The following FASTK variants were observed in gnomAD, a reference collection of about 807,000 sequenced individuals.
FASTK encodes Fas activated serine/threonine kinase.
In FASTK, 28 loss-of-function variants were observed where a neutral mutation model predicts 60.0. The ratio of observed to expected loss-of-function variants is 0.47; its 90% CI spans 0.35 to 0.64. FASTK has a LOEUF of 0.64. Among genes scored for constraint, FASTK ranks in the 30% least tolerant of loss-of-function variants. FASTK has a pLI of 0.01. For missense variants in FASTK, 595 were observed against 713.8 expected (o/e 0.83, Z 1.90); for synonymous variants, 325 against 307.9 (o/e 1.06, Z -0.58).
intron 1 of FASTK, 77 bp downstream of exon 1, chr7:151,080,608 C>G (rs1481267071): frequency 1.5e-6 from 2 of 1,367,616 alleles, no homozygotes; most frequent in Non-Finnish European, 9.4e-7. Flanking sequence ...CCAGGGACGC[C>G]AGGAGACCGT....
rs150140464 is a variant in FASTK, at chr7:151,077,148, T to A, written c.1380A>T (p.Pro460=). The A allele has an allele frequency of 1.2e-6, 2 of 1,612,812 alleles. No homozygotes were observed. The highest frequency in any genetic ancestry group is 2.7e-5 in the African/African-American group (2 of 74,878). ...PFLPYPPRSC[P]QGQAASSATT... ...TGGCGCTAGAGGCAGCCTGGCCCTG[T>A]GGGCAGGACCTTGGTGGGTATGGCA... The change falls in exon 8 of 10, where the codon CCA becomes CCT. Residue 460 remains proline (P), a synonymous_variant. Coordinates refer to ENST00000297532, the MANE Select transcript of FASTK (RefSeq NM_006712.5).
chr7:151,078,045 G>A lies in FASTK; in HGVS notation c.873C>T (p.Pro291=). Residue 291 remains proline, a synonymous_variant, in exon 5 of 10, where the codon CCC becomes CCT. Transcript: ENST00000297532. ...VLPFGRLNYL[P]LEQQFMPCLE... ...GGCAGGGCATAAACTGCTGTTCCAGGGGCAGGTAGTTCAGTCGCCCAAAGG... is the reference window on the plus strand; with the variant it reads ...GGCAGGGCATAAACTGCTGTTCCAGAGGCAGGTAGTTCAGTCGCCCAAAGG... 1 of 1,602,182 alleles carries A rather than the reference G, an allele frequency of 6.2e-7. No homozygotes were observed. The highest frequency in any genetic ancestry group is 1.1e-5 in the South Asian group (1 of 90,850).
intron 2 of FASTK, chr7:151,079,294 AG>A (rs1797847392): frequency 1.6e-6 from 1 of 610,610 alleles, no homozygotes; most frequent in South Asian, 2.3e-5. Flanking sequence ...GCACTCTATT[AG>A]CAGGAATCTG....
intron 1 of FASTK, 72 bp downstream of exon 1, chr7:151,080,613 G>A (rs1797936891): frequency 9.5e-6 from 13 of 1,372,174 alleles, no homozygotes; most frequent in Non-Finnish European, 1.2e-5. Context: ...GACGCCAGGA[G>A]ACCGTGGCCG....
rs1173773528 is a variant in FASTK at position 151,076,828 on chromosome 7, G to C, written c.1547C>G (p.Pro516Arg). The change falls in exon 10 of 10, where the codon CCC becomes CGC. Residue 516 changes from proline to arginine, a missense_variant. Around this residue, in one of 2 missense-constraint regions of FASTK, gnomAD observed 471 missense variants for 605.9 expected, o/e 0.78. Coordinates refer to ENST00000297532, the MANE Select transcript of FASTK (RefSeq NM_006712.5). The stretch of plus-strand genomic sequence containing the variant: ...TCTCTGGGACTCCAGTTCCTCGAAG[G>C]GTAGCTGTGGGGAGAGGAGAGGGCG... ...GLMGYQLLPL[P>R]FEELESQRGL... 3.1e-6 allele frequency: 5 copies of C among 1,609,614 alleles called. No homozygotes were observed. Among genetic ancestry groups the C allele is most frequent in the Non-Finnish European group, 3.4e-6 (4 of 1,178,052 alleles).
chr7:151,077,064 C>G, intron 8 of FASTK, 37 bp from the exon 9 acceptor site: 1 of 1,608,936 alleles, frequency 6.2e-7, no homozygotes, highest in Non-Finnish European at 8.5e-7. Context: ...GCATGGCGGG[C>G]AAGGTGGCCA....
chr7:151,079,790 G>T lies in FASTK; in HGVS notation c.215C>A (p.Pro72His). ...CLGPSKWGDR[P>H]VGGGPSAGPV... ...ACCTGCACTGGGGCCTCCTCCAACA[G>T]GCCGGTCCCCCCATTTGCTGGGCCC... Residue 72 changes from proline (P) to histidine (H), a missense_variant, in exon 2 of 10, where the codon CCT becomes CAT. By Grantham distance (77) the Pro-to-His change is moderately conservative. This residue lies in a region of FASTK where 124 missense variants were observed against 107.9 expected (regional missense o/e 1.15). Transcript: ENST00000297532. 1 of 1,600,878 alleles carries T rather than the reference G, an allele frequency of 6.2e-7. No individual in the cohort carries two copies. The highest frequency in any genetic ancestry group is 8.5e-7 in the Non-Finnish European group (1 of 1,173,832).
In FASTK at chr7:151,078,564, T is replaced by G; in HGVS notation, c.823A>C (p.Lys275Gln). 1 of 1,612,960 alleles carries G rather than the reference T, an allele frequency of 6.2e-7. No homozygotes were observed. The highest frequency in any genetic ancestry group is 8.5e-7 in the Non-Finnish European group (1 of 1,179,358). The stretch of plus-strand genomic sequence containing the variant: ...TGGAGGGTGGGTGGCAAGCCCACCT[T>G]GCTGCTGAGTTGCGTTTCCTGAACC... ...LVVQETQLSS[K>Q]VVQKLVLPFG... Residue 275 changes from lysine to glutamine, a missense_variant and splice_region_variant, in exon 4 of 10, where the codon AAG (lysine) becomes CAG (glutamine). Transcript: ENST00000297532.
chr7:151,079,083 G>T, intron 2 of FASTK, 62 bp from the exon 3 acceptor site: 1 of 1,362,500 alleles, frequency 7.3e-7, no homozygotes, highest in South Asian at 1.7e-5. Flanking sequence ...TTATCATGGG[G>T]TTACTTGGTG....
Position 151,078,619 on chromosome 7 carries a change from C to G in FASTK, c.768G>C (p.Gln256His). 1.2e-6 allele frequency: 2 copies of G among 1,613,642 alleles called. No individual in the cohort carries two copies. Among genetic ancestry groups the G allele is most frequent in the South Asian group, 1.1e-5 (1 of 91,086 alleles). ...HLARHRLREP[Q>H]LLEAIAHFLV... ...GGAAGTGGGCAATGGCTTCCAGAAG[C>G]TGGGGCTCCCGCAACCGGTGCCGGG... Residue 256 changes from glutamine (Q) to histidine (H), a missense_variant, in exon 4 of 10, where the codon CAG (glutamine) becomes CAC (histidine). Around this residue, in one of 2 missense-constraint regions of FASTK, gnomAD observed 471 missense variants for 605.9 expected, o/e 0.78. Coordinates refer to ENST00000297532, the MANE Select transcript of FASTK (RefSeq NM_006712.5).
At position 151,079,641 on chromosome 7, in the gene FASTK, C is replaced by G; in HGVS notation, c.364G>C (p.Gly122Arg). Residue 122 changes from glycine to arginine, a missense_variant, in exon 2 of 10, where the codon GGC (glycine) becomes CGC (arginine). Around this residue, in one of 2 missense-constraint regions of FASTK, gnomAD observed 471 missense variants for 605.9 expected, o/e 0.78. Coordinates refer to ENST00000297532, the MANE Select transcript of FASTK (RefSeq NM_006712.5). Reference sequence around the variant, plus strand: ...CGTGGCCGAGACCCCAAGAGCTGGCCCAGACGACGAAGCGCCACCGAGTAG... The same window carrying G: ...CGTGGCCGAGACCCCAAGAGCTGGCGCAGACGACGAAGCGCCACCGAGTAG... ...HHYSVALRRL[G>R]QLLGSRPRPP... The G allele has an allele frequency of 1.2e-6, 2 of 1,613,426 alleles. No homozygotes were observed. The highest frequency in any genetic ancestry group is 1.3e-5 in the African/African-American group (1 of 75,016).
chr7:151,080,086 C>T (rs1001244461), intron 1 of FASTK, 164 bp from the exon 2 acceptor site: 36 of 627,848 alleles, frequency 5.7e-5, no homozygotes, highest in South Asian at 1.7e-4. Flanking sequence ...TCCTTCCACG[C>T]CTTTGAAACA....
Position 151,078,101 on chromosome 7 carries a change from G to A in FASTK, c.826-9C>T, listed in dbSNP as rs1797769318. 1.1e-5 allele frequency: 17 copies of A among 1,573,884 alleles called. No homozygotes were observed. The highest frequency in any genetic ancestry group is 1.2e-5 in the Non-Finnish European group (14 of 1,151,758). Reference sequence around the variant, plus strand: ...ACCAACTTCTGTACCACCTGTGGAGGAAGAGCAGTTCATTACCCAGTGTCA... The same window carrying A: ...ACCAACTTCTGTACCACCTGTGGAGAAAGAGCAGTTCATTACCCAGTGTCA... On this transcript the variant is annotated splice_polypyrimidine_tract_variant and intron_variant, in intron 4 of 9. Coordinates refer to ENST00000297532, the MANE Select transcript of FASTK (RefSeq NM_006712.5).
rs868629763 is a variant in FASTK at position 151,077,729 on chromosome 7, G to A, written c.1091C>T (p.Ala364Val). Residue 364 changes from alanine to valine, a missense_variant, in exon 6 of 10, where the codon GCC (alanine) becomes GTC (valine). By Grantham distance (64) the Ala-to-Val change is moderately conservative. Transcript: ENST00000297532. ...GTATCCTGGGAGCTCCAGCTCCACG[G>A]CCGTGTCCAGCAGGGAGAGGTAGCG... Reference protein sequence around the residue: ...VRRYLSLLDTAVELELPGYRG... With the variant: ...VRRYLSLLDTVVELELPGYRG... The A allele has an allele frequency of 6.3e-7, 1 of 1,595,570 alleles. No homozygotes were observed. The highest frequency in any genetic ancestry group is 8.5e-7 in the Non-Finnish European group (1 of 1,170,676).
Position 151,078,099 on chromosome 7 carries a change from A to G in FASTK, c.826-7T>C. On this transcript the variant is annotated splice_region_variant and splice_polypyrimidine_tract_variant and intron_variant, in intron 4 of 9. Coordinates refer to ENST00000297532, the MANE Select transcript of FASTK (RefSeq NM_006712.5). ...GGACCAACTTCTGTACCACCTGTGG[A>G]GGAAGAGCAGTTCATTACCCAGTGT... 1 of 1,575,334 alleles carries G rather than the reference A, an allele frequency of 6.3e-7. No individual in the cohort carries two copies. The highest frequency in any genetic ancestry group is 8.7e-7 in the Non-Finnish European group (1 of 1,152,852).
Position 151,077,624 on chromosome 7 carries a change from T to C in FASTK, c.1196A>G (p.Tyr399Cys), listed in dbSNP as rs1475575089. 1.3e-6 allele frequency: 2 copies of C among 1,544,256 alleles called. No homozygotes were observed. The highest frequency in any genetic ancestry group is 2.8e-5 in the African/African-American group (2 of 72,646). ...PLITDRARCKYSHKDIVAEGL... is the reference protein window; with the variant it reads ...PLITDRARCKCSHKDIVAEGL... Reference sequence around the variant, plus strand: ...TGCCCCAGGCTGCCCCATCCACCTGTACTTGCAGCGGGCACGGTCGGTGAT... The same window carrying C: ...TGCCCCAGGCTGCCCCATCCACCTGCACTTGCAGCGGGCACGGTCGGTGAT... The change falls in exon 6 of 10, where the codon TAC (tyrosine) becomes TGC (cysteine). Residue 399 changes from tyrosine (Y) to cysteine (C), a missense_variant. Transcript: ENST00000297532.
chr7:151,077,761 A>T lies in FASTK; in HGVS notation c.1059T>A (p.Ile353=). Residue 353 remains isoleucine, a synonymous_variant, in exon 6 of 10, where the codon ATT becomes ATA. Coordinates refer to ENST00000297532, the MANE Select transcript of FASTK (RefSeq NM_006712.5). ...NYISGTPHAL[I]VRRYLSLLDT... ...CCAGCAGGGAGAGGTAGCGACGCAC[A>T]ATCAGAGCATGAGGGGTGCCTGTGG... 6.3e-7 allele frequency: 1 copy of T among 1,598,188 alleles called. No homozygotes were observed. The highest frequency in any genetic ancestry group is 1.1e-5 in the South Asian group (1 of 89,992).
intron 2 of FASTK, 138 bp downstream of exon 2, chr7:151,079,362 G>A (rs757277451): frequency 3.6e-6 from 3 of 838,034 alleles, no homozygotes; most frequent in African/African-American, 1.7e-5. Context: ...GTCTGCCGCA[G>A]ACATAGGACG....
In FASTK at chr7:151,077,409, G is replaced by A. The variant is rs902739890; in HGVS notation, c.1200-8C>T. 1.9e-6 allele frequency: 3 copies of A among 1,611,050 alleles called. No individual in the cohort carries two copies. The highest frequency in any genetic ancestry group is 2.5e-6 in the Non-Finnish European group (3 of 1,179,312). On this transcript the variant is annotated splice_polypyrimidine_tract_variant and splice_region_variant and intron_variant, in intron 6 of 9. Coordinates refer to ENST00000297532, the MANE Select transcript of FASTK (RefSeq NM_006712.5). The stretch of plus-strand genomic sequence containing the variant: ...GCTACTATGTCCTTGTGACTGAGGA[G>A]AAAGGACACCAGTAGCAGGAAGGGC...
Sources: gnomAD v4.1 joint callset for allele counts on GRCh38, gnomAD v4.1.1 for gene constraint, gnomAD v4.1.1 regional missense constraint, MANE v1.5 for transcripts, NCBI Gene and HGNC (gene_info 2026-07-23, HGNC 2026-07-21) for gene names.